Variants in OR1J2 observed in about 807,000 individuals in gnomAD.
OR1J2 encodes the protein olfactory receptor 1J2.
For missense variants in OR1J2, 304 were observed against 246.1 expected, an observed-to-expected ratio of 1.24 and a Z score of -1.57; for synonymous variants, 142 against 99.7, an observed-to-expected ratio of 1.42 and a Z score of -2.52.
chr9:122,519,864 G>C, the OR1J2 span: 1 of 1,614,090 alleles, frequency 6.2e-7, no homozygotes, highest in South Asian at 1.1e-5. Context: ...GTCCACCTGT[G>C]GCTCTCACCT....
downstream of OR1J2, among the ~76,000 whole-genome samples, chr9:122,514,697 A>G (rs889960157): frequency 1.3e-5 from 2 of 152,178 alleles, no homozygotes; most frequent in African/African-American, 4.8e-5. Flanking sequence ...TAAGCAGCAA[A>G]CCAAAAAAGA....
the OR1J2 span, among the ~76,000 whole-genome samples, chr9:122,465,223 C>CT: frequency 5.3e-5 from 8 of 152,154 alleles, no homozygotes; most frequent in Non-Finnish European, 1.0e-4. Flanking sequence ...CTGGGGAAAA[C>CT]TTGCTCATGG....
the OR1J2 span, among the ~76,000 whole-genome samples, chr9:122,542,976 A>G: frequency 2.6e-5 from 4 of 152,196 alleles, no homozygotes; most frequent in Non-Finnish European, 5.9e-5. Flanking sequence ...GTAGTATTCT[A>G]TTGTATACCA....
Position 122,511,627 on chromosome 9 carries a change from C to A in OR1J2, c.826C>A (p.Leu276Ile). 1 of 781,036 alleles carries A rather than the reference C, an allele frequency of 1.3e-6. No individual in the cohort carries two copies. Among genetic ancestry groups the A allele is most frequent in the Non-Finnish European group, 2.4e-6 (1 of 418,134 alleles). The allele number at this position is 781,036 out of a possible 1,614,324, so 48.4% of individuals were successfully genotyped here. A position where few individuals can be genotyped will look rare whatever the true frequency, so the allele number is the denominator to read the frequency against. Residue 276 changes from leucine (L) to isoleucine (I), a missense_variant, in exon 1 of 1, where the codon CTC (leucine) becomes ATC (isoleucine). Physicochemically the swap from Leu to Ile is conservative, Grantham distance 5 (BLOSUM62 2). Coordinates refer to ENST00000335302, the MANE Select transcript of OR1J2 (RefSeq NM_054107.1). The part of the protein sequence containing the change: ...SSIDKDVIVA[L>I]MYTVVTPMLN... ...TATTGACAAGGATGTCATTGTGGCT[C>A]TCATGTACACGGTGGTCACACCCAT...
chr9:122,553,186 TGC>T, the OR1J2 span: 2 of 1,606,936 alleles, frequency 1.2e-6, no homozygotes, highest in East Asian at 4.5e-5. Context: ...GGTTTTTATC[TGC>T]GCAGATCACA....
At chr9:122,568,273 G>C in the OR1J2 span, 12 of 1,613,978 alleles carry the variant, frequency 7.4e-6, no homozygotes, top group Non-Finnish European at 8.5e-6. Flanking sequence ...ATATCAGTGA[G>C]AGACAGAAAA....
the OR1J2 span, among the ~76,000 whole-genome samples, chr9:122,460,525 A>G: frequency 6.6e-6 from 1 of 152,170 alleles, no homozygotes; most frequent in Non-Finnish European, 1.5e-5. Context: ...CTTATAGTAT[A>G]GTTTGAAGTC....
the OR1J2 span, among the ~76,000 whole-genome samples, chr9:122,497,585 A>G: frequency 6.6e-6 from 1 of 151,962 alleles, no homozygotes; most frequent in Admixed American, 6.6e-5. Context: ...CTAGTGGTCT[A>G]TTGGTATTTT....
chr9:122,456,478 A>T, the OR1J2 span, among the ~76,000 whole-genome samples: 1 of 152,198 alleles, frequency 6.6e-6, no homozygotes, highest in East Asian at 1.9e-4. Flanking sequence ...CTTATTCTTT[A>T]ATTTTCTTTT....
downstream of OR1J2, among the ~76,000 whole-genome samples, chr9:122,516,707 T>G (rs1238350366): frequency 3.3e-5 from 5 of 152,130 alleles, no homozygotes; most frequent in Admixed American, 2.0e-4. Context: ...TAAATAGATT[T>G]ACAAGTTCAG....
At chr9:122,546,354 A>G in the OR1J2 span, among the ~76,000 whole-genome samples, 1 of 152,182 alleles carries the variant, frequency 6.6e-6, no homozygotes, top group African/African-American at 2.4e-5. Flanking sequence ...TGTTTGACCA[A>G]TAGAAGGCAG....
the OR1J2 span, among the ~76,000 whole-genome samples, chr9:122,499,044 T>G: frequency 1.7e-4 from 26 of 152,262 alleles, no homozygotes; most frequent in Non-Finnish European, 2.9e-5. Context: ...CCTTGTTTAC[T>G]GGCAGAAGCT....
chr9:122,552,612 A>G, the OR1J2 span, among the ~76,000 whole-genome samples: 1 of 152,098 alleles, frequency 6.6e-6, no homozygotes, highest in Admixed American at 6.6e-5. Context: ...CTCAGCTCAC[A>G]TATCCTTTGC....
At chr9:122,472,841 A>C in the OR1J2 span, among the ~76,000 whole-genome samples, 1 of 152,180 alleles carries the variant, frequency 6.6e-6, no homozygotes, top group Admixed American at 6.5e-5. Context: ...GCCAACCTTA[A>C]AGGAATTGAT....
chr9:122,485,107 A>C, the OR1J2 span, among the ~76,000 whole-genome samples: 1 of 152,120 alleles, frequency 6.6e-6, no homozygotes, highest in Admixed American at 6.5e-5. Context: ...ATGTCCTACC[A>C]GTCCTGGTTC....
the OR1J2 span, among the ~76,000 whole-genome samples, chr9:122,523,197 G>A: frequency 7.9e-5 from 12 of 152,180 alleles, no homozygotes; most frequent in Non-Finnish European, 1.3e-4. Context: ...AGTGGACAGA[G>A]TGGGCCAGGG....
chr9:122,519,106 G>A, the OR1J2 span: 3 of 1,420,180 alleles, frequency 2.1e-6, no homozygotes, highest in Non-Finnish European at 1.9e-6. Flanking sequence ...CTTTTTCAAT[G>A]TCCCTCTATT....
chr9:122,514,011 C>T (rs1828669870), downstream of OR1J2, among the ~76,000 whole-genome samples: 1 of 152,054 alleles, frequency 6.6e-6, no homozygotes, highest in African/African-American at 2.4e-5. Flanking sequence ...TGTGCATAGA[C>T]ATAGAAATGC....
At chr9:122,471,484 A>C in the OR1J2 span, 2 of 152,194 alleles carry the variant, frequency 1.3e-5, no homozygotes, top group South Asian at 4.1e-4. Flanking sequence ...AAAATGAACT[A>C]ATACAGTAAG....
Sources: gnomAD v4.1 joint callset for allele counts (sites outside exome capture counted in the v4.1 genomes callset) on GRCh38, gnomAD v4.1.1 for gene constraint, MANE v1.5 for transcripts, NCBI Gene and HGNC (gene_info 2026-07-23, HGNC 2026-07-21) for gene names.